The following GRIN2A variants were observed in gnomAD, a reference collection of about 807,000 sequenced individuals.
GRIN2A encodes glutamate receptor ionotropic, NMDA 2A.
Under a neutral mutation model 113.4 loss-of-function variants are expected in GRIN2A, and 22 were observed. The ratio of observed to expected loss-of-function variants is 0.19; its 90% CI spans 0.14 to 0.28. The LOEUF (loss-of-function observed/expected upper bound fraction) is 0.28, where lower values mean the gene tolerates loss of function less well. Among genes scored for constraint, GRIN2A ranks in the 10% least tolerant of loss-of-function variants. GRIN2A has a pLI of 1.00. For synonymous variants in GRIN2A, 827 were observed against 738.4 expected (o/e 1.12, Z -1.94); for missense variants, 1,502 against 1,887.0 (o/e 0.80, Z 3.78).
chr16:10,114,775 G>C (rs1423034442), intron 2 of GRIN2A, among the ~76,000 whole-genome samples: 3 of 152,208 alleles, frequency 2.0e-5, no homozygotes, highest in Non-Finnish European at 4.4e-5. Flanking sequence ...TCCTATATGA[G>C]CCAAATAGGA....
Position 9,761,187 on chromosome 16 carries a change from G to C in GRIN2A, c.*1962C>G. The C allele has an allele frequency of 4.3e-6, 1 of 232,126 alleles. No homozygotes were observed. The allele number at this position is 232,126 out of a possible 1,614,324, so 14.4% of individuals were successfully genotyped here. A position where few individuals can be genotyped will look rare whatever the true frequency, so the allele number is the denominator to read the frequency against. ...TTCATTATAGGAACACTGTAGGTCA[G>C]GTGTACTTTCCCAAAGATGGAGCTA... On this transcript the variant is annotated 3_prime_UTR_variant, in exon 13 of 13. Transcript: ENST00000330684.
chr16:9,944,643 T>C (rs1337561432), intron 2 of GRIN2A, among the ~76,000 whole-genome samples: 1 of 152,066 alleles, frequency 6.6e-6, no homozygotes, highest in Non-Finnish European at 1.5e-5. Context: ...GTGTGAATCT[T>C]GCATGTCCTT....
intron 2 of GRIN2A, among the ~76,000 whole-genome samples, chr16:10,067,091 T>C (rs1432638932): frequency 3.3e-5 from 5 of 152,234 alleles, no homozygotes; most frequent in African/African-American, 9.6e-5. Flanking sequence ...TCTCACATTT[T>C]TTCTCTAGCA....
At chr16:10,091,133 G>A (rs1313458351) in intron 2 of GRIN2A, among the ~76,000 whole-genome samples, 1 of 152,160 alleles carries the variant, frequency 6.6e-6, no homozygotes, top group East Asian at 1.9e-4. Context: ...AAAACAGTTT[G>A]GCAATTTTTT....
In GRIN2A at chr16:10,112,763, G is replaced by A. The variant is rs748287862; in HGVS notation, c.414+67235C>T. ...AGAAGTTTGTGCCCTACCTCATAGC[G>A]AGTAACCAGCATGGCTCCATGATGT... On this transcript the variant is annotated intron_variant, in intron 2 of 12. Coordinates refer to ENST00000330684, the MANE Select transcript of GRIN2A (RefSeq NM_001134407.3). 1.4e-4 allele frequency: 103 copies of A among 713,778 alleles called. 1 individual carries two copies. Among genetic ancestry groups the A allele is most frequent in the Non-Finnish European group, 2.2e-4 (84 of 384,316 alleles). 44.2% of individuals were successfully genotyped at this position (713,778 alleles called of 1,614,324 possible).
chr16:9,877,599 TTCCCCCTTCTCTC>T (rs1447334290), intron 4 of GRIN2A, among the ~76,000 whole-genome samples: 1 of 144,160 alleles, frequency 6.9e-6, no homozygotes, highest in Admixed American at 6.9e-5. Context: ...TCGTCTCCTC[TTCCCCCTTCTCTC>T]TCCCCCTTCC....
chr16:9,796,439 G>C lies in GRIN2A; in HGVS notation c.2356+1838C>G, dbSNP rs1331058156. 3.9e-5 allele frequency among the ~76,000 whole-genome samples: 6 copies of C among 152,248 alleles called. No homozygotes were observed. In the Middle Eastern group the frequency reaches 0.017, roughly 432 times the overall value. ...CAAAACATTTGGCCCCAATTCTTCAGCATACTCTCAGTGTCCACACTATTG... is the reference window on the plus strand; with the variant it reads ...CAAAACATTTGGCCCCAATTCTTCACCATACTCTCAGTGTCCACACTATTG... On this transcript the variant is annotated intron_variant, in intron 11 of 12. Transcript: ENST00000330684.
intron 2 of GRIN2A, among the ~76,000 whole-genome samples, chr16:10,142,247 CAAAAAACCCAGGG>C (rs2049342219): frequency 6.6e-6 from 1 of 152,100 alleles, no homozygotes; most frequent in Non-Finnish European, 1.5e-5. Flanking sequence ...CACACACACT[CAAAAAACCCAGGG>C]TTAAGGTTAG....
chr16:9,796,727 T>C (rs1476591797), intron 11 of GRIN2A, among the ~76,000 whole-genome samples: 2 of 152,166 alleles, frequency 1.3e-5, no homozygotes, highest in Middle Eastern at 3.2e-3. Flanking sequence ...ACCACACCAC[T>C]GATTCGTACG....
chr16:9,853,332 G>C (rs1470719059), intron 4 of GRIN2A, among the ~76,000 whole-genome samples: 2 of 152,232 alleles, frequency 1.3e-5, no homozygotes, highest in Admixed American at 6.5e-5. Flanking sequence ...GGTGTTAGGA[G>C]GAGGGGTCTT....
intron 11 of GRIN2A, among the ~76,000 whole-genome samples, chr16:9,792,226 T>C (rs1902652460): frequency 6.6e-6 from 1 of 152,060 alleles, no homozygotes; most frequent in South Asian, 2.1e-4. Flanking sequence ...ACTCTATTAA[T>C]GTAATTATTT....
intron 2 of GRIN2A, among the ~76,000 whole-genome samples, chr16:9,993,464 G>A (rs1596398237): frequency 6.6e-6 from 1 of 151,958 alleles, no homozygotes; most frequent in Admixed American, 6.6e-5. Flanking sequence ...GCAGAGGCAG[G>A]AGGATCACTG....
rs775314174 is a variant in GRIN2A at position 9,798,484 on chromosome 16, G to C, written c.2169-20C>G. ...AGCTTCCTGAAATGACAAGAAACCA[G>C]GGGGTCATAGGGGTGGCCAGGTACC... On this transcript the variant is annotated intron_variant, in intron 10 of 12. Coordinates refer to ENST00000330684, the MANE Select transcript of GRIN2A (RefSeq NM_001134407.3). 1.2e-6 allele frequency: 2 copies of C among 1,608,360 alleles called. No homozygotes were observed.
rs1031793188 is a variant in GRIN2A at position 10,150,194 on chromosome 16, A to G, written c.414+29804T>C. On this transcript the variant is annotated intron_variant, in intron 2 of 12. Coordinates refer to ENST00000330684, the MANE Select transcript of GRIN2A (RefSeq NM_001134407.3). ...AGGTTGCAGTTCACTACTTATGGAG[A>G]AACCTTTAAAGTATGTAAAGAGGCA... Among the ~76,000 whole-genome samples, 9 of 152,322 alleles carry G rather than the reference A, an allele frequency of 5.9e-5. No homozygotes were observed. In the South Asian group the frequency reaches 6.2e-4, roughly 11 times the overall value.
At chr16:10,145,634 A>T (rs985324600) in intron 2 of GRIN2A, among the ~76,000 whole-genome samples, 4 of 152,226 alleles carry the variant, frequency 2.6e-5, no homozygotes, top group African/African-American at 9.6e-5. Context: ...TCTGAAACTG[A>T]GTCAATTTAA....
intron 2 of GRIN2A, among the ~76,000 whole-genome samples, chr16:10,127,234 A>G (rs1350411638): frequency 6.6e-6 from 1 of 152,084 alleles, no homozygotes; most frequent in Non-Finnish European, 1.5e-5. Context: ...CTTGAAAAAA[A>G]AAAAAATCCA....
chr16:9,838,131 C>T (rs2042612746), intron 7 of GRIN2A, among the ~76,000 whole-genome samples: 1 of 152,124 alleles, frequency 6.6e-6, no homozygotes, highest in African/African-American at 2.4e-5. Context: ...TTGGTGTCCA[C>T]AAATTGGTTT....
chr16:10,048,819 C>A (rs969104501), intron 2 of GRIN2A, among the ~76,000 whole-genome samples: 3 of 152,182 alleles, frequency 2.0e-5, no homozygotes, highest in African/African-American at 7.2e-5. Context: ...TTTCCTCTCT[C>A]CATCTCAACC....
At chr16:10,145,651 A>C (rs74499137) in intron 2 of GRIN2A, among the ~76,000 whole-genome samples, 3,083 of 152,264 alleles carry the variant, frequency 0.02, 116 homozygotes, top group African/African-American at 0.071. Context: ...TTAAAGAAAA[A>C]TTGATTAAAT....
Sources: allele counts gnomAD v4.1 joint callset (sites outside exome capture counted in the v4.1 genomes callset), GRCh38; gene constraint gnomAD v4.1.1; transcripts MANE v1.5; gene names NCBI Gene and HGNC (gene_info 2026-07-23, HGNC 2026-07-21).